Variants in RAB18 observed in about 807,000 individuals in gnomAD.
RAB18 encodes the protein ras-related protein Rab-18.
Under a neutral mutation model 28.5 loss-of-function variants are expected in RAB18, and 10 were observed. The ratio of observed to expected loss-of-function variants is 0.35; its 90% CI spans 0.22 to 0.60. The LOEUF (loss-of-function observed/expected upper bound fraction) is 0.60. Among genes scored for constraint, RAB18 ranks in the 20% least tolerant of loss-of-function variants. The pLI is 0.78. For synonymous variants in RAB18, 93 were observed against 86.9 expected (o/e 1.07, Z -0.39); for missense variants, 188 against 244.2 (o/e 0.77, Z 1.53).
intron 2 of RAB18, among the ~76,000 whole-genome samples, chr10:27,523,239 T>C (rs1834597427): frequency 6.6e-6 from 1 of 150,388 alleles, no homozygotes; most frequent in African/African-American, 2.4e-5. Context: ...ACAATTTCAT[T>C]ATGATGTCTC....
intron 3 of RAB18, 32 bp downstream of exon 3, chr10:27,526,921 T>A: frequency 6.3e-7 from 1 of 1,591,278 alleles, no homozygotes; most frequent in Non-Finnish European, 8.6e-7. Context: ...TTTTAAAATA[T>A]TAAACTTTAC....
At chr10:27,530,018 A>G (rs920580857) in intron 3 of RAB18, among the ~76,000 whole-genome samples, 6 of 152,156 alleles carry the variant, frequency 3.9e-5, no homozygotes, top group East Asian at 3.9e-4. Flanking sequence ...ATCAGGATTT[A>G]TGGATATTTT....
intron 3 of RAB18, among the ~76,000 whole-genome samples, chr10:27,527,589 T>TAG (rs1452785157): frequency 1.8e-5 from 2 of 110,946 alleles, no homozygotes; most frequent in Non-Finnish European, 4.0e-5. Flanking sequence ...TATATATATA[T>TAG]ATGTATATTC....
intron 1 of RAB18, among the ~76,000 whole-genome samples, chr10:27,509,271 T>C (rs540255088): frequency 1.5e-4 from 23 of 152,322 alleles, no homozygotes; most frequent in Middle Eastern, 3.4e-3. Context: ...TCCAGTAGCC[T>C]CCAGTTGCCT....
intron 4 of RAB18, among the ~76,000 whole-genome samples, chr10:27,533,486 C>G (rs1026087489): frequency 6.6e-6 from 1 of 151,412 alleles, no homozygotes; most frequent in Non-Finnish European, 1.5e-5. Flanking sequence ...TGTGTTTTCA[C>G]TTATTACACA....
In RAB18 at chr10:27,511,444, G is replaced by C. The variant is rs151326803; in HGVS notation, c.124+1514G>C. Among the ~76,000 whole-genome samples, 100 of 152,224 alleles carry C rather than the reference G, an allele frequency of 6.6e-4. 1 individual carries two copies. The highest frequency in any genetic ancestry group is 2.3e-3 in the African/African-American group (96 of 41,534). ...TGGTCTTGAGCTCCTGACCTCAAGT[G>C]ATCTACCCACCTCGGCCTCCCAAAG... On this transcript the variant is annotated intron_variant, in intron 2 of 6. Coordinates refer to ENST00000356940, the MANE Select transcript of RAB18 (RefSeq NM_021252.5).
At chr10:27,528,386 A>G (rs1211009361) in intron 3 of RAB18, 1 of 455,524 alleles carries the variant, frequency 2.2e-6, no homozygotes, top group Non-Finnish European at 4.4e-6. Context: ...CAATAAGAAG[A>G]GCAGAGAAGA....
At chr10:27,518,468 G>C (rs147728547) in intron 2 of RAB18, among the ~76,000 whole-genome samples, 37 of 152,162 alleles carry the variant, frequency 2.4e-4, no homozygotes, top group African/African-American at 8.9e-4. Context: ...TATGTGTTCA[G>C]ATCTCATTGT....
rs147631493 is a variant in RAB18, at chr10:27,540,897, C to T, written c.*2846C>T. The T allele has an allele frequency of 1.8e-5, 8 of 454,048 alleles. No homozygotes were observed. The highest frequency in any genetic ancestry group is 4.7e-5 in the Admixed American group (2 of 42,566). 28.1% of individuals were successfully genotyped at this position (454,048 alleles called of 1,614,324 possible). A position where few individuals can be genotyped will look rare whatever the true frequency, so the allele number is the denominator to read the frequency against. On this transcript the variant is annotated 3_prime_UTR_variant, in exon 7 of 7. Transcript: ENST00000356940. Reference sequence around the variant, plus strand: ...ACTAAGGGTGGGGCTAGCACCATAGCTCATAAAAGAATCCTTCTTACACCA... The same window carrying T: ...ACTAAGGGTGGGGCTAGCACCATAGTTCATAAAAGAATCCTTCTTACACCA...
At chr10:27,505,475 TAA>T (rs2138959355) in intron 1 of RAB18, among the ~76,000 whole-genome samples, 1 of 152,376 alleles carries the variant, frequency 6.6e-6, no homozygotes, top group South Asian at 2.1e-4. Context: ...AAATAACTTG[TAA>T]AAGTCACTTC....
chr10:27,517,604 A>G (rs1013572173), intron 2 of RAB18, among the ~76,000 whole-genome samples: 1 of 152,244 alleles, frequency 6.6e-6, no homozygotes, highest in Non-Finnish European at 1.5e-5. Flanking sequence ...AGGTTTTACA[A>G]TACACATTCT....
Position 27,538,031 on chromosome 10 carries a change from G to T in RAB18, c.601G>T (p.Gly201Cys). ...AGGCCAAGGAGGAGGAGCCTGTGGT[G>T]GTTATTGCTCTGTGTTATAAACTCT... ...EEGQGGGACG[G>C]YCSVL The change falls in exon 7 of 7, where the codon GGT (glycine) becomes TGT (cysteine). Residue 201 changes from glycine to cysteine, a missense_variant. Transcript: ENST00000356940. The T allele has an allele frequency of 6.2e-7, 1 of 1,614,108 alleles. No individual in the cohort carries two copies. Among genetic ancestry groups the T allele is most frequent in the Non-Finnish European group, 8.5e-7 (1 of 1,179,992 alleles).
intron 1 of RAB18, among the ~76,000 whole-genome samples, chr10:27,507,423 G>GT (rs1238553931): frequency 6.6e-6 from 1 of 152,104 alleles, no homozygotes; most frequent in Non-Finnish European, 1.5e-5. Context: ...CCCTAAATGT[G>GT]TAAGACTCCA....
At chr10:27,526,768 G>T (rs1240871411) in intron 2 of RAB18, 60 bp from the exon 3 acceptor site, 1 of 1,604,156 alleles carries the variant, frequency 6.2e-7, no homozygotes, top group Non-Finnish European at 8.5e-7. Context: ...GGTTTTCTTG[G>T]TAATGGATTT....
intron 3 of RAB18, chr10:27,531,404 G>A: frequency 2.2e-6 from 3 of 1,392,900 alleles, no homozygotes; most frequent in Non-Finnish European, 2.8e-6. Flanking sequence ...CCTCTTACAG[G>A]TTATTCTAAC....
intron 2 of RAB18, among the ~76,000 whole-genome samples, chr10:27,521,685 G>A (rs2132388846): frequency 6.6e-6 from 1 of 152,240 alleles, no homozygotes; most frequent in Admixed American, 6.5e-5. Context: ...AGTGGAACTT[G>A]GGGACTCGGG....
At chr10:27,519,501 A>G (rs1207004936) in intron 2 of RAB18, among the ~76,000 whole-genome samples, 1 of 152,122 alleles carries the variant, frequency 6.6e-6, no homozygotes, top group African/African-American at 2.4e-5. Flanking sequence ...TACAAAATCC[A>G]TATTTATAGT....
intron 1 of RAB18, among the ~76,000 whole-genome samples, chr10:27,509,430 G>A (rs982465709): frequency 6.6e-6 from 1 of 152,090 alleles, no homozygotes; most frequent in Non-Finnish European, 1.5e-5. Flanking sequence ...TATATTTCTG[G>A]TTTTGCTTGA....
chr10:27,508,578 T>C (rs1234445217), intron 1 of RAB18, among the ~76,000 whole-genome samples: 1 of 152,238 alleles, frequency 6.6e-6, no homozygotes, highest in Non-Finnish European at 1.5e-5. Context: ...CTAGTATTGT[T>C]ACCTATGTTC....
Sources: gnomAD v4.1 joint callset for allele counts (sites outside exome capture counted in the v4.1 genomes callset) on GRCh38, gnomAD v4.1.1 for gene constraint, MANE v1.5 for transcripts, NCBI Gene and HGNC (gene_info 2026-07-23, HGNC 2026-07-21) for gene names.